Variants in ZBTB1 observed in about 807,000 individuals in gnomAD.
ZBTB1 encodes zinc finger and BTB domain-containing protein 1.
ZBTB1 carries 13 observed loss-of-function variants against 51.6 expected under a neutral mutation model. The ratio of observed to expected loss-of-function variants is 0.25; its 90% CI spans 0.16 to 0.40. The LOEUF is 0.40. ZBTB1 is among the 10% of genes least tolerant of loss of function. The pLI is 1.00. For missense variants in ZBTB1, 567 were observed against 856.5 expected (o/e 0.66, Z 4.22); for synonymous variants, 240 against 282.2 (o/e 0.85, Z 1.50).
At position 64,522,960 on chromosome 14, in the gene ZBTB1, G is replaced by A; in HGVS notation, c.1456G>A (p.Glu486Lys). Residue 486 changes from glutamate (E) to lysine (K), a missense_variant, in exon 2 of 2, where the codon GAG becomes AAG. Transcript: ENST00000683701. ...CATGAATGGGTTAGGAAATACTGAG[G>A]AGAAAATGGACTTGGAAGAGAATCC... ...LTMNGLGNTE[E>K]KMDLEENPDE... is the part of the protein sequence containing the mutation. 6.2e-7 allele frequency: 1 copy of A among 1,614,202 alleles called. No homozygotes were observed.
rs1407072983 is a variant in ZBTB1, at chr14:64,524,313, T to TA, written c.*668dup. ...TCATTTAATTATCACATTTAAAACT[T>TA]ATATTAAGTGTAAATTCCAGTGGCT... On this transcript the variant is annotated 3_prime_UTR_variant, in exon 2 of 2. Transcript: ENST00000683701. The TA allele has an allele frequency of 1.1e-6, 1 of 941,882 alleles. No individual in the cohort carries two copies. The highest frequency in any genetic ancestry group is 1.3e-6 in the Non-Finnish European group (1 of 790,444). The allele number at this position is 941,882 out of a possible 1,614,324, so 58.3% of individuals were successfully genotyped here. A position where few individuals can be genotyped will look rare whatever the true frequency, so the allele number is the denominator to read the frequency against.
chr14:64,506,540 A>C (rs2079659677), intron 1 of ZBTB1, among the ~76,000 whole-genome samples: 1 of 152,160 alleles, frequency 6.6e-6, no homozygotes, highest in East Asian at 1.9e-4. Context: ...TCTCAAAAAA[A>C]CAAACAACAA....
chr14:64,518,904 G>GTGTATATATATATA (rs71444662), intron 1 of ZBTB1, among the ~76,000 whole-genome samples: 24 of 95,120 alleles, frequency 2.5e-4, no homozygotes, highest in African/African-American at 9.8e-4. Context: ...TTGCAGAGAG[G>GTGTATATATATATA]TATATATATA....
rs1478016681 is a variant in ZBTB1 at position 64,522,238 on chromosome 14, A to G, written c.734A>G (p.Gln245Arg). 2 of 1,614,124 alleles carry G rather than the reference A, an allele frequency of 1.2e-6. No homozygotes were observed. Among genetic ancestry groups the G allele is most frequent in the African/African-American group, 1.3e-5 (1 of 74,956 alleles). ...ACCTGTACTAACAGACATTTATACC[A>G]AAACACAAGATCTTACCATAGAATA... ...VLTCTNRHLY[Q>R]NTRSYHRIVD... The change falls in exon 2 of 2, where the codon CAA (glutamine) becomes CGA (arginine). Residue 245 changes from glutamine to arginine, a missense_variant. Physicochemically the swap from Gln to Arg is conservative, Grantham distance 43 (BLOSUM62 1). Coordinates refer to ENST00000683701, the MANE Select transcript of ZBTB1 (RefSeq NM_001123329.2).
chr14:64,531,842 G>A (rs1399154855), intron 2 of ZBTB1: 23 of 1,613,422 alleles, frequency 1.4e-5, no homozygotes, highest in Non-Finnish European at 1.9e-5. Context: ...CTTGAGTTTT[G>A]TCTTTTTCTG....
downstream of ZBTB1, among the ~76,000 whole-genome samples, chr14:64,527,495 C>A (rs994914395): frequency 2.0e-5 from 3 of 152,170 alleles, no homozygotes; most frequent in Non-Finnish European, 2.9e-5. Context: ...CCTGTAATCC[C>A]AGCTACTTAG....
chr14:64,523,674 A>G lies in ZBTB1; in HGVS notation c.*28A>G. On this transcript the variant is annotated 3_prime_UTR_variant, in exon 2 of 2. Coordinates refer to ENST00000683701, the MANE Select transcript of ZBTB1 (RefSeq NM_001123329.2). The surrounding 1 kb of genome is among the most constrained non-coding windows in gnomAD (Gnocchi z 4.5). ...GATTTTCTACTGTACTAATGTTTAG[A>G]TGATAGCAGATAAAACACCAAAGCA... 2 of 1,506,674 alleles carry G rather than the reference A, an allele frequency of 1.3e-6. No homozygotes were observed. The highest frequency in any genetic ancestry group is 1.8e-6 in the Non-Finnish European group (2 of 1,125,244). The allele number at this position is 1,506,674 out of a possible 1,614,324, so 93.3% of individuals were successfully genotyped here.
chr14:64,533,350 G>T (rs1361224604), exon 3 of ZBTB1: 1 of 152,400 alleles, frequency 6.6e-6, no homozygotes, highest in Non-Finnish European at 1.5e-5. Context: ...GAGGTATACA[G>T]AACTGCAGAC....
rs1290791623 is a variant in ZBTB1, at chr14:64,522,394, C to T, written c.890C>T (p.Ser297Leu). 1 of 1,613,978 alleles carries T rather than the reference C, an allele frequency of 6.2e-7. No homozygotes were observed. The highest frequency in any genetic ancestry group is 2.2e-5 in the East Asian group (1 of 44,898). The change falls in exon 2 of 2, where the codon TCA becomes TTA. Residue 297 changes from serine (S) to leucine (L), a missense_variant. This residue lies in a region of ZBTB1 where 329 missense variants were observed against 406.3 expected (regional missense o/e 0.81). Transcript: ENST00000683701. ...DTSQAADDSASTTGSRKSSTV... is the reference protein window; with the variant it reads ...DTSQAADDSALTTGSRKSSTV... Reference sequence around the variant, plus strand: ...AGCCAGGCTGCTGATGATTCAGCTTCAACCACTGGAAGCAGAAAAAGTAGC... The same window carrying T: ...AGCCAGGCTGCTGATGATTCAGCTTTAACCACTGGAAGCAGAAAAAGTAGC...
intron 1 of ZBTB1, among the ~76,000 whole-genome samples, chr14:64,507,739 A>G (rs183420951): frequency 1.3e-5 from 2 of 152,242 alleles, no homozygotes; most frequent in Admixed American, 6.5e-5. Flanking sequence ...ATGGTGGGCT[A>G]TTTTTCATAC....
At chr14:64,526,658 A>T (rs1360334391), downstream of ZBTB1, among the ~76,000 whole-genome samples, 1 of 152,200 alleles carries the variant, frequency 6.6e-6, no homozygotes, top group Non-Finnish European at 1.5e-5. Flanking sequence ...AAACAGGACT[A>T]AGAATCTCAG....
At position 64,514,322 on chromosome 14, in the gene ZBTB1, C is replaced by T. The variant is rs2079757331; in HGVS notation, c.-18-7165C>T. 2.6e-5 allele frequency: 4 copies of T among 152,312 alleles called. 1 individual carries two copies. The highest frequency in any genetic ancestry group is 4.1e-4 in the South Asian group (2 of 4,828). The allele number at this position is 152,312 out of a possible 1,614,324, so 9.4% of individuals were successfully genotyped here. A position where few individuals can be genotyped will look rare whatever the true frequency, so the allele number is the denominator to read the frequency against. On this transcript the variant is annotated intron_variant, in intron 1 of 1. Coordinates refer to ENST00000683701, the MANE Select transcript of ZBTB1 (RefSeq NM_001123329.2). Reference sequence around the variant, plus strand: ...TGAATTGGGACTGTGATGCTAGGCTCTCTAGACTTTCACTGAGGCTAAGCG... The same window carrying T: ...TGAATTGGGACTGTGATGCTAGGCTTTCTAGACTTTCACTGAGGCTAAGCG...
At chr14:64,504,742 C>A (rs1406444643), upstream of ZBTB1, 2 of 373,818 alleles carry the variant, frequency 5.4e-6, no homozygotes, top group Non-Finnish European at 9.5e-6. Flanking sequence ...GTGCGGCAGG[C>A]GCGGCTGTGC....
chr14:64,521,367 G>T, intron 1 of ZBTB1, 120 bp from the exon 2 acceptor site: 2 of 701,912 alleles, frequency 2.8e-6, no homozygotes, highest in African/African-American at 1.9e-5. Context: ...TATTAGAATG[G>T]AAAGCTCTTA....
rs2079617078 is a variant in ZBTB1 at position 64,504,920 on chromosome 14, C to T, written c.-45C>T. Reference sequence around the variant, plus strand: ...ATTTGCCTTAAACTCCCTAAAATCTCCGCAGCTCTGGTTCCTGTTGCGGCC... The same window carrying T: ...ATTTGCCTTAAACTCCCTAAAATCTTCGCAGCTCTGGTTCCTGTTGCGGCC... On this transcript the variant is annotated 5_prime_UTR_variant, in exon 1 of 2. Transcript: ENST00000683701. 5.1e-6 allele frequency: 2 copies of T among 395,974 alleles called. No homozygotes were observed. Among genetic ancestry groups the T allele is most frequent in the Non-Finnish European group, 4.5e-6 (1 of 223,966 alleles). 24.5% of individuals were successfully genotyped at this position (395,974 alleles called of 1,614,324 possible).
exon 3 of ZBTB1, chr14:64,531,886 G>A (rs1226690118): frequency 2.5e-6 from 4 of 1,613,702 alleles, no homozygotes; most frequent in African/African-American, 1.3e-5. Flanking sequence ...TTCTAAACCT[G>A]TGGAGAAGTG....
At chr14:64,503,817 T>C (rs536721281), upstream of ZBTB1, 5 of 159,202 alleles carry the variant, frequency 3.1e-5, no homozygotes, top group African/African-American at 9.6e-5. Context: ...CGTGACCGCG[T>C]GTCTGGTAGC....
At chr14:64,517,991 GC>G (rs1261982940) in intron 1 of ZBTB1, among the ~76,000 whole-genome samples, 1 of 151,096 alleles carries the variant, frequency 6.6e-6, no homozygotes, top group African/African-American at 2.4e-5. Context: ...GTGCCACCAC[GC>G]CCGGCTAATT....
At chr14:64,520,381 C>T (rs548871529) in intron 1 of ZBTB1, among the ~76,000 whole-genome samples, 48 of 152,210 alleles carry the variant, frequency 3.2e-4, no homozygotes, top group African/African-American at 1.1e-3. Flanking sequence ...GTGGCGTGAT[C>T]ATGGCTCACC....
Sources: gnomAD v4.1 joint callset for allele counts (sites outside exome capture counted in the v4.1 genomes callset) on GRCh38, gnomAD v4.1.1 for gene constraint, gnomAD v4.1.1 regional missense constraint, Gnocchi (gnomAD v3.1) non-coding constraint, MANE v1.5 for transcripts, NCBI Gene and HGNC (gene_info 2026-07-23, HGNC 2026-07-21) for gene names.